Variants in SCRN3 observed in about 807,000 individuals in gnomAD.
SCRN3 encodes secernin 3.
In SCRN3, 39 loss-of-function variants were observed where a neutral mutation model predicts 43.1. The ratio of observed to expected loss-of-function variants is 0.91; its 90% CI spans 0.70 to 1.18. The LOEUF (loss-of-function observed/expected upper bound fraction) is 1.18, where lower values mean the gene tolerates loss of function less well. Ranked by LOEUF, SCRN3 falls within the 50% of genes most tolerant of loss-of-function variation. The pLI, the probability that SCRN3 is intolerant of heterozygous loss-of-function variation, is 0.00. For missense variants in SCRN3, 484 were observed against 498.0 expected (o/e 0.97, Z 0.27); for synonymous variants, 147 against 163.1 (o/e 0.90, Z 0.75).
intron 1 of SCRN3, chr2:174,396,063 C>T (rs1685294723): frequency 1.6e-5 from 20 of 1,230,482 alleles, no homozygotes; most frequent in Non-Finnish European, 1.9e-5. Flanking sequence ...CACTGTTTTT[C>T]TCATCTATGT....
At position 174,408,698 on chromosome 2, in the gene SCRN3, T is replaced by A. The variant is rs1308644590; in HGVS notation, c.754+4383T>A. Among the ~76,000 whole-genome samples the A allele has an allele frequency of 9.3e-3, 1,302 of 140,554 alleles. 22 individuals are homozygous for A. Among genetic ancestry groups the A allele is most frequent in the African/African-American group, 0.032 (1,229 of 38,582 alleles). The allele number at this position is 140,554 out of a possible 152,430, so 92.2% of individuals were successfully genotyped here. On this transcript the variant is annotated intron_variant, in intron 5 of 7. Coordinates refer to ENST00000272732, the MANE Select transcript of SCRN3 (RefSeq NM_024583.5). The stretch of plus-strand genomic sequence containing the variant: ...GCATTTGCTTGTCTGTAAAGTATTT[T>A]ATTTCTCCTTCACTTATGAAGCTTA...
At chr2:174,422,699 T>A (rs529819896) in intron 5 of SCRN3, among the ~76,000 whole-genome samples, 186 bp from the exon 6 acceptor site, 27 of 152,284 alleles carry the variant, frequency 1.8e-4, no homozygotes, top group African/African-American at 6.0e-4. Context: ...ATATTTAAAA[T>A]AACATACCTT....
intron 2 of SCRN3, 98 bp from the exon 3 acceptor site, chr2:174,399,822 AAC>A (rs1177285592): frequency 6.2e-6 from 5 of 807,372 alleles, no homozygotes; most frequent in Admixed American, 4.2e-5. Context: ...CCTCTTTCAT[AAC>A]AGTTTTGTCT....
intron 5 of SCRN3, among the ~76,000 whole-genome samples, chr2:174,406,561 T>G (rs551978985): frequency 6.6e-6 from 1 of 150,750 alleles, no homozygotes; most frequent in South Asian, 2.1e-4. Context: ...ATGCTTCCAG[T>G]TTTTGCCCAT....
intron 5 of SCRN3, among the ~76,000 whole-genome samples, chr2:174,418,492 A>G (rs981657632): frequency 2.0e-5 from 3 of 152,142 alleles, no homozygotes; most frequent in African/African-American, 4.8e-5. Flanking sequence ...ATTACACCCT[A>G]TGTTTTGCAT....
chr2:174,418,836 C>T (rs990760912), intron 5 of SCRN3, among the ~76,000 whole-genome samples: 13 of 152,026 alleles, frequency 8.6e-5, no homozygotes, highest in African/African-American at 1.9e-4. Context: ...TGCTTTTAGG[C>T]GCACCTTCTT....
At chr2:174,415,312 A>G (rs980891979) in intron 5 of SCRN3, among the ~76,000 whole-genome samples, 2 of 152,100 alleles carry the variant, frequency 1.3e-5, no homozygotes, top group African/African-American at 4.8e-5. Flanking sequence ...ATATACACCT[A>G]CTATGTACCC....
intron 7 of SCRN3, 48 bp from the exon 8 acceptor site, chr2:174,427,665 T>TTATGTG (rs774738582): frequency 5.0e-6 from 6 of 1,189,938 alleles, no homozygotes; most frequent in Non-Finnish European, 6.9e-6. Context: ...TTGGTTAGAT[T>TTATGTG]TATGTGTATA....
chr2:174,426,276 G>C (rs1267194539), intron 7 of SCRN3, among the ~76,000 whole-genome samples: 1 of 152,104 alleles, frequency 6.6e-6, no homozygotes, highest in Non-Finnish European at 1.5e-5. Context: ...TTGTGTATTT[G>C]ATGAAGTAGG....
At chr2:174,427,283 C>A (rs1043259685) in intron 7 of SCRN3, among the ~76,000 whole-genome samples, 1 of 152,058 alleles carries the variant, frequency 6.6e-6, no homozygotes, top group Non-Finnish European at 1.5e-5. Context: ...GAAATGTCTT[C>A]TTTTGGTTGA....
In SCRN3 at chr2:174,399,899, CTTTTT is replaced by C. The variant is rs59353951; in HGVS notation, c.160-9_160-5del. The C allele has an allele frequency of 0.02, 23,022 of 1,143,044 alleles. No homozygotes were observed. The highest frequency in any genetic ancestry group is 0.028 in the Middle Eastern group (114 of 4,034). 70.8% of individuals were successfully genotyped at this position (1,143,044 alleles called of 1,614,324 possible). A position where few individuals can be genotyped will look rare whatever the true frequency, so the allele number is the denominator to read the frequency against. On this transcript the variant is annotated intron_variant, in intron 2 of 7. Transcript: ENST00000272732. ...TCTGGTTTTGTGGTTCTTGCTATGA[CTTTTT>C]TTTTTTTTTTTTTACAGTGTACATA...
Position 174,428,574 on chromosome 2 carries a change from GAGA to G in SCRN3, c.*681_*683del, listed in dbSNP as rs1686566645. 1 of 152,174 alleles carries G rather than the reference GAGA, an allele frequency of 6.6e-6. No individual in the cohort carries two copies. The highest frequency in any genetic ancestry group is 2.4e-5 in the African/African-American group (1 of 41,450). 9.4% of individuals were successfully genotyped at this position (152,174 alleles called of 1,614,324 possible). On this transcript the variant is annotated 3_prime_UTR_variant, in exon 8 of 8. Coordinates refer to ENST00000272732, the MANE Select transcript of SCRN3 (RefSeq NM_024583.5). Reference sequence around the variant, plus strand: ...TTAGAAGAGCTTGTTTGGGAGATTAGAGAATAAGATAAAAGAACCAAAACCTTA... The same window carrying G: ...TTAGAAGAGCTTGTTTGGGAGATTAGATAAGATAAAAGAACCAAAACCTTA...
At position 174,417,375 on chromosome 2, in the gene SCRN3, T is replaced by A. The variant is rs547105790; in HGVS notation, c.755-5510T>A. Among the ~76,000 whole-genome samples, 32 of 152,296 alleles carry A rather than the reference T, an allele frequency of 2.1e-4. No individual in the cohort carries two copies. In the South Asian group the frequency reaches 3.7e-3, roughly 18 times the overall value. ...AGTGCTTTTATCAAGGGCCAGATAC[T>A]GTGCTAAATGATTTAATTATATTAT... On this transcript the variant is annotated intron_variant, in intron 5 of 7. Transcript: ENST00000272732.
intron 2 of SCRN3, among the ~76,000 whole-genome samples, chr2:174,399,022 A>G (rs1685418810): frequency 1.3e-5 from 2 of 152,200 alleles, no homozygotes; most frequent in African/African-American, 4.8e-5. Flanking sequence ...AACACTATCA[A>G]TATACATTTT....
intron 5 of SCRN3, among the ~76,000 whole-genome samples, chr2:174,417,916 C>T (rs1018677153): frequency 6.6e-6 from 1 of 152,098 alleles, no homozygotes; most frequent in African/African-American, 2.4e-5. Context: ...TTGTAATTTG[C>T]AGATAGCTTA....
intron 7 of SCRN3, among the ~76,000 whole-genome samples, chr2:174,425,543 A>T (rs1040140110): frequency 6.6e-6 from 1 of 152,020 alleles, no homozygotes; most frequent in African/African-American, 2.4e-5. Flanking sequence ...TCCAGGTAAT[A>T]ATTTATTTAT....
chr2:174,397,056 T>C (rs1685346746), intron 1 of SCRN3: 9 of 981,340 alleles, frequency 9.2e-6, no homozygotes, highest in Non-Finnish European at 1.1e-5. Flanking sequence ...AAAACACAAA[T>C]AGAAGGAGAT....
chr2:174,400,764 A>G (rs1485677615), intron 3 of SCRN3, among the ~76,000 whole-genome samples: 1 of 152,248 alleles, frequency 6.6e-6, no homozygotes, highest in Admixed American at 6.5e-5. Context: ...GTAACTTGAC[A>G]GTGAATTACC....
chr2:174,408,099 C>G (rs1319710649), intron 5 of SCRN3, among the ~76,000 whole-genome samples: 1 of 27,226 alleles, frequency 3.7e-5, no homozygotes, highest in Non-Finnish European at 9.0e-5. Flanking sequence ...GAGTCTAAGT[C>G]TCTTTGTAGG....
Sources: allele counts gnomAD v4.1 joint callset (sites outside exome capture counted in the v4.1 genomes callset), GRCh38; gene constraint gnomAD v4.1.1; transcripts MANE v1.5; gene names NCBI Gene and HGNC (gene_info 2026-07-23, HGNC 2026-07-21).